Variants in MLXIP observed in about 807,000 individuals in gnomAD.
The protein encoded by MLXIP is MLX interacting protein.
MLXIP carries 30 observed loss-of-function variants against 87.2 expected under a neutral mutation model. The observed-to-expected ratio is 0.34, with a 90% CI of 0.26 to 0.47. The LOEUF (loss-of-function observed/expected upper bound fraction) is 0.47, where lower values mean the gene tolerates loss of function less well. MLXIP is among the 20% of genes least tolerant of loss of function. MLXIP has a pLI of 1.00. For missense variants in MLXIP, 1,002 were observed against 1,240.1 expected (o/e 0.81, Z 2.88); for synonymous variants, 530 against 514.0 (o/e 1.03, Z -0.42).
At chr12:122,099,542 C>A (rs1019839206) in intron 1 of MLXIP, among the ~76,000 whole-genome samples, 1 of 152,266 alleles carries the variant, frequency 6.6e-6, no homozygotes, top group African/African-American at 2.4e-5. Context: ...GTCCCTGCAG[C>A]CCGGGCTGAT....
intron 1 of MLXIP, among the ~76,000 whole-genome samples, chr12:122,106,676 A>ACTG (rs1420366551): frequency 7.5e-6 from 1 of 133,302 alleles, no homozygotes; most frequent in Non-Finnish European, 1.5e-5. Context: ...ATCTCGGCTC[A>ACTG]CTGCAACCTC....
At chr12:122,099,928 G>A (rs762959274) in intron 1 of MLXIP, among the ~76,000 whole-genome samples, 1 of 152,178 alleles carries the variant, frequency 6.6e-6, no homozygotes, top group African/African-American at 2.4e-5. Flanking sequence ...CAGGAACTTC[G>A]TTTCTCTGCA....
chr12:122,134,026 G>C (rs181814758), intron 9 of MLXIP, 39 bp downstream of exon 9: 3 of 1,535,206 alleles, frequency 2.0e-6, no homozygotes, highest in African/African-American at 2.8e-5. Context: ...GGCTCCCCCC[G>C]ACCCAGAGGG....
chr12:122,110,392 A>G (rs1486494735), intron 1 of MLXIP, among the ~76,000 whole-genome samples: 1 of 151,920 alleles, frequency 6.6e-6, no homozygotes, highest in Admixed American at 6.6e-5. Flanking sequence ...GGCTCAAGCA[A>G]TTCTCCTGCC....
intron 1 of MLXIP, among the ~76,000 whole-genome samples, chr12:122,105,634 G>A (rs1422954536): frequency 6.6e-6 from 1 of 152,044 alleles, no homozygotes; most frequent in African/African-American, 2.4e-5. Flanking sequence ...ACCGCGCTCG[G>A]CTGATTTTTC....
Position 122,137,813 on chromosome 12 carries a change from C to T in MLXIP, c.2154+223C>T, listed in dbSNP as rs1463805004. On this transcript the variant is annotated intron_variant, in intron 12 of 16. Coordinates refer to ENST00000319080, the MANE Select transcript of MLXIP (RefSeq NM_014938.6). The surrounding 1 kb of genome is among the most constrained non-coding windows in gnomAD (Gnocchi z 4.1). ...GGTGAGCCCCAAGCCTGGGAGCCAA[C>T]GCTGAGTCCACGTAGTGTGCAGGTA... Among the ~76,000 whole-genome samples, 4 of 152,240 alleles carry T rather than the reference C, an allele frequency of 2.6e-5. No individual in the cohort carries two copies. The highest frequency in any genetic ancestry group is 6.5e-5 in the Admixed American group (1 of 15,290).
At position 122,137,587 on chromosome 12, in the gene MLXIP, A is replaced by G. The variant is rs1292747984; in HGVS notation, c.2151A>G (p.Leu717=). 3 of 1,613,846 alleles carry G rather than the reference A, an allele frequency of 1.9e-6. No homozygotes were observed. Among genetic ancestry groups the G allele is most frequent in the South Asian group, 1.1e-5 (1 of 91,060 alleles). Reference sequence around the variant, plus strand: ...CCGACCCCAAAAATGTGGCTGCACTAAAGGTACCGCATGTCTCCTCTTGGT... The same window carrying G: ...CCGACCCCAAAAATGTGGCTGCACTGAAGGTACCGCATGTCTCCTCTTGGT... The part of the protein sequence containing the change: ...GKSDPKNVAA[L]KNRQMKHISA... Residue 717 remains leucine (L), a synonymous_variant, in exon 12 of 17, where the codon CTA becomes CTG. Coordinates refer to ENST00000319080, the MANE Select transcript of MLXIP (RefSeq NM_014938.6). This position sits in a 1 kb window ranked among gnomAD's most constrained non-coding sequence, Gnocchi z 4.1.
At chr12:122,141,181 A>G in intron 16 of MLXIP, 98 bp downstream of exon 16, 1 of 1,462,924 alleles carries the variant, frequency 6.8e-7, no homozygotes. Context: ...CACTGCAGGC[A>G]GCCAGGTGGG....
At chr12:122,130,980 GC>G in intron 7 of MLXIP, 47 bp downstream of exon 7, 1 of 1,249,438 alleles carries the variant, frequency 8.0e-7, no homozygotes, top group Non-Finnish European at 1.2e-6. Flanking sequence ...ATCTCCCCCA[GC>G]CCAGCACAGA....
intron 1 of MLXIP, among the ~76,000 whole-genome samples, chr12:122,122,516 A>G (rs11060477): frequency 0.47 from 70,805 of 151,372 alleles, 16,722 homozygotes; most frequent in Middle Eastern, 0.64. Context: ...GGCACAGGCT[A>G]CCACTCCCTG....
chr12:122,124,983 A>G (rs754541682), intron 1 of MLXIP, among the ~76,000 whole-genome samples: 2 of 152,342 alleles, frequency 1.3e-5, no homozygotes, highest in Non-Finnish European at 2.9e-5. Flanking sequence ...CCTGACCAAC[A>G]TGATGAAATC....
intron 1 of MLXIP, among the ~76,000 whole-genome samples, chr12:122,089,927 G>A (rs983522239): frequency 6.6e-6 from 1 of 152,156 alleles, no homozygotes; most frequent in Non-Finnish European, 1.5e-5. Context: ...TGAGGTATGT[G>A]GAAAGATGAT....
At position 122,129,179 on chromosome 12, in the gene MLXIP, A is replaced by G. The variant is rs1301786294; in HGVS notation, c.649A>G (p.Ile217Val). 1.2e-6 allele frequency: 2 copies of G among 1,611,824 alleles called. No homozygotes were observed. The highest frequency in any genetic ancestry group is 1.7e-6 in the Non-Finnish European group (2 of 1,179,088). The change falls in exon 4 of 17, where the codon ATT (isoleucine) becomes GTT (valine). Residue 217 changes from isoleucine (I) to valine (V), a missense_variant. Ile to Val is a conservative substitution (Grantham distance 29, BLOSUM62 3). Around this residue, in one of 3 missense-constraint regions of MLXIP, gnomAD observed 127 missense variants for 239.0 expected, o/e 0.53. Transcript: ENST00000319080. ...EGKYWKSRIE[I>V]VIREYHKWRT... is the part of the protein sequence containing the mutation. ...GAAGTACTGGAAGAGCCGCATCGAG[A>G]TTGTGATCCGGGAGTATCACAAGTG...
chr12:122,089,948 G>A (rs1952221231), intron 1 of MLXIP, among the ~76,000 whole-genome samples: 1 of 152,214 alleles, frequency 6.6e-6, no homozygotes, highest in African/African-American at 2.4e-5. Context: ...GGGATTGGAA[G>A]CCACAAGACA....
At chr12:122,110,538 C>T (rs573075750) in intron 1 of MLXIP, among the ~76,000 whole-genome samples, 235 of 152,084 alleles carry the variant, frequency 1.5e-3, no homozygotes, top group African/African-American at 5.0e-3. Context: ...CCACCCGCTT[C>T]GGCCTCCTAA....
At chr12:122,090,019 G>T (rs1952222297) in intron 1 of MLXIP, among the ~76,000 whole-genome samples, 1 of 152,154 alleles carries the variant, frequency 6.6e-6, no homozygotes, top group Admixed American at 6.5e-5. Flanking sequence ...CATGAGGGTG[G>T]AGGATGCAAG....
At position 122,146,297 on chromosome 12, in the gene MLXIP, A is replaced by G. The variant is rs1156918822; in HGVS notation, c.*4485A>G. Reference sequence around the variant, plus strand: ...AGGTTGAAGAGCTTTGAGGCTCAGCAGCATGTTTGTGGCATTCGGTGGACA... The same window carrying G: ...AGGTTGAAGAGCTTTGAGGCTCAGCGGCATGTTTGTGGCATTCGGTGGACA... On this transcript the variant is annotated 3_prime_UTR_variant, in exon 17 of 17. Coordinates refer to ENST00000319080, the MANE Select transcript of MLXIP (RefSeq NM_014938.6). 1 of 152,410 alleles carries G rather than the reference A, an allele frequency of 6.6e-6. No homozygotes were observed. The highest frequency in any genetic ancestry group is 1.5e-5 in the Non-Finnish European group (1 of 68,188). The allele number at this position is 152,410 out of a possible 1,614,324, so 9.4% of individuals were successfully genotyped here.
chr12:122,115,457 C>T (rs1424553900), intron 1 of MLXIP, among the ~76,000 whole-genome samples: 4 of 151,550 alleles, frequency 2.6e-5, no homozygotes, highest in Admixed American at 6.6e-5. Context: ...GGCATGGTAG[C>T]GGGCACCTGT....
At chr12:122,141,106 G>T (rs375735483) in intron 16 of MLXIP, 23 bp downstream of exon 16, 7 of 1,596,694 alleles carry the variant, frequency 4.4e-6, no homozygotes, top group Non-Finnish European at 4.3e-6. Flanking sequence ...GTGCCAGGGT[G>T]GGGGGCTTCA....
Sources: allele counts gnomAD v4.1 joint callset (sites outside exome capture counted in the v4.1 genomes callset), GRCh38; gene constraint gnomAD v4.1.1; regional missense constraint gnomAD v4.1.1; non-coding constraint Gnocchi (gnomAD v3.1); transcripts MANE v1.5; gene names NCBI Gene and HGNC (gene_info 2026-07-23, HGNC 2026-07-21).